Variants in DOCK3 observed in about 807,000 individuals in gnomAD.
The protein encoded by DOCK3 is dedicator of cytokinesis protein 3.
A neutral mutation model predicts 265.6 loss-of-function variants in DOCK3; 60 were observed. The ratio of observed to expected loss-of-function variants is 0.23; its 90% CI spans 0.18 to 0.28. The LOEUF (loss-of-function observed/expected upper bound fraction) is 0.28, where lower values mean the gene tolerates loss of function less well. Ranked by LOEUF, DOCK3 falls within the 10% of genes least tolerant of loss-of-function variation. DOCK3 has a pLI of 1.00. For missense variants in DOCK3, 1,981 were observed against 2,594.3 expected (o/e 0.76, Z 5.14); for synonymous variants, 881 against 938.0 (o/e 0.94, Z 1.11).
chr3:50,771,807 C>T (rs1165248477), intron 1 of DOCK3, among the ~76,000 whole-genome samples: 7 of 152,024 alleles, frequency 4.6e-5, no homozygotes, highest in East Asian at 1.9e-4. Flanking sequence ...GCTGAGATTG[C>T]GCCACTGCAC....
At chr3:51,367,637 C>T (rs980736266) in intron 49 of DOCK3, among the ~76,000 whole-genome samples, 1 of 152,138 alleles carries the variant, frequency 6.6e-6, no homozygotes. Context: ...ACCGGTTGTT[C>T]CTTTCCATGT....
intron 51 of DOCK3, among the ~76,000 whole-genome samples, chr3:51,376,649 G>A (rs908319764): frequency 6.6e-6 from 1 of 152,150 alleles, no homozygotes; most frequent in African/African-American, 2.4e-5. Context: ...TTGGAGTTTA[G>A]GGCACACTCA....
chr3:51,163,829 A>C (rs181281406), intron 12 of DOCK3, among the ~76,000 whole-genome samples: 26 of 152,310 alleles, frequency 1.7e-4, no homozygotes, highest in African/African-American at 5.5e-4. Flanking sequence ...TATGTATTAC[A>C]AATTATGTAC....
At chr3:51,307,282 A>G (rs905445687) in intron 27 of DOCK3, among the ~76,000 whole-genome samples, 9 of 152,012 alleles carry the variant, frequency 5.9e-5, no homozygotes, top group Non-Finnish European at 8.8e-5. Flanking sequence ...CATGCAGCTA[A>G]TTTTTTAATT....
intron 5 of DOCK3, among the ~76,000 whole-genome samples, chr3:50,986,475 A>C (rs546730680): frequency 3.2e-4 from 48 of 152,308 alleles, no homozygotes; most frequent in South Asian, 1.2e-3. Flanking sequence ...CACATATCCC[A>C]TACTCTATTC....
In DOCK3 at chr3:50,719,924, C is replaced by G. The variant is rs975735869; in HGVS notation, c.37+44624C>G. Reference sequence around the variant, plus strand: ...TGCTAACAGCTTGAAGGAGATGCAGCCCAAGGGCGTACCGTCCACAGTGAT... The same window carrying G: ...TGCTAACAGCTTGAAGGAGATGCAGGCCAAGGGCGTACCGTCCACAGTGAT... On this transcript the variant is annotated intron_variant, in intron 1 of 52. Coordinates refer to ENST00000266037, the MANE Select transcript of DOCK3 (RefSeq NM_004947.5). 3.9e-5 allele frequency: 22 copies of G among 562,436 alleles called. No homozygotes were observed. The East Asian group carries it at 7.6e-4, about 20-fold the overall frequency. The allele number at this position is 562,436 out of a possible 1,614,324, so 34.8% of individuals were successfully genotyped here. A position where few individuals can be genotyped will look rare whatever the true frequency, so the allele number is the denominator to read the frequency against.
At chr3:50,785,013 TG>T (rs936260029) in intron 2 of DOCK3, among the ~76,000 whole-genome samples, 12 of 152,178 alleles carry the variant, frequency 7.9e-5, no homozygotes, top group Admixed American at 4.6e-4. Context: ...AAAAATTAGC[TG>T]GGGGTGGTGG....
chr3:50,969,182 A>G (rs1414182988), intron 5 of DOCK3, among the ~76,000 whole-genome samples: 1 of 152,172 alleles, frequency 6.6e-6, no homozygotes, highest in Non-Finnish European at 1.5e-5. Context: ...TATATTTAGG[A>G]TTGTTATAAC....
chr3:50,834,767 A>G (rs776980079), intron 2 of DOCK3, among the ~76,000 whole-genome samples: 2 of 152,220 alleles, frequency 1.3e-5, no homozygotes, highest in Non-Finnish European at 2.9e-5. Context: ...GGCAAAAACT[A>G]AGAGGGAAGA....
At chr3:51,125,049 G>A (rs2084207836) in intron 9 of DOCK3, among the ~76,000 whole-genome samples, 1 of 151,358 alleles carries the variant, frequency 6.6e-6, no homozygotes, top group Admixed American at 6.6e-5. Context: ...TGAAGCAGAA[G>A]AATCGCTTGA....
intron 3 of DOCK3, among the ~76,000 whole-genome samples, chr3:50,879,786 A>G (rs549203832): frequency 3.4e-4 from 52 of 152,368 alleles, no homozygotes; most frequent in Middle Eastern, 3.4e-3. Context: ...TGGACCTAAT[A>G]GACATCTAGA....
At chr3:50,901,939 A>C (rs939658472) in intron 4 of DOCK3, among the ~76,000 whole-genome samples, 5 of 152,114 alleles carry the variant, frequency 3.3e-5, no homozygotes, top group Non-Finnish European at 7.4e-5. Flanking sequence ...ATAAAGAAAG[A>C]AAGCAGCTAT....
intron 12 of DOCK3, among the ~76,000 whole-genome samples, chr3:51,203,635 G>A (rs989535767): frequency 1.3e-5 from 2 of 152,114 alleles, no homozygotes; most frequent in Non-Finnish European, 2.9e-5. Flanking sequence ...AGCTACCAAT[G>A]ACTTTCTTCA....
chr3:51,198,959 G>A (rs2088506820), intron 12 of DOCK3, among the ~76,000 whole-genome samples: 2 of 152,114 alleles, frequency 1.3e-5, no homozygotes, highest in Non-Finnish European at 2.9e-5. Flanking sequence ...AAACCAGGGA[G>A]GTGGAGGTTG....
At chr3:50,795,682 G>A (rs1029880734) in intron 2 of DOCK3, among the ~76,000 whole-genome samples, 4 of 152,076 alleles carry the variant, frequency 2.6e-5, no homozygotes, top group Admixed American at 6.5e-5. Context: ...TGGAGATTTT[G>A]TTCCTTTTCA....
At chr3:51,163,951 T>G (rs1004307674) in intron 12 of DOCK3, among the ~76,000 whole-genome samples, 1 of 152,176 alleles carries the variant, frequency 6.6e-6, no homozygotes, top group African/African-American at 2.4e-5. Context: ...GGTCTTTGTC[T>G]TCACTTAAGC....
At chr3:51,266,184 C>A (rs1010508203) in intron 23 of DOCK3, among the ~76,000 whole-genome samples, 18 of 152,156 alleles carry the variant, frequency 1.2e-4, no homozygotes, top group African/African-American at 4.1e-4. Context: ...AGAGAGGACA[C>A]AGACAAATGG....
At chr3:50,698,727 A>G (rs1454075540) in intron 1 of DOCK3, among the ~76,000 whole-genome samples, 1 of 151,356 alleles carries the variant, frequency 6.6e-6, no homozygotes, top group East Asian at 1.9e-4. Flanking sequence ...AAGAAGTGGC[A>G]TCTCATTGTG....
At chr3:50,916,171 T>C (rs1184612372) in intron 4 of DOCK3, among the ~76,000 whole-genome samples, 1 of 151,964 alleles carries the variant, frequency 6.6e-6, no homozygotes, top group East Asian at 1.9e-4. Context: ...CTCAGCTGGG[T>C]TTAAGTTCCT....
Sources: gnomAD v4.1 joint callset for allele counts (sites outside exome capture counted in the v4.1 genomes callset) on GRCh38, gnomAD v4.1.1 for gene constraint, MANE v1.5 for transcripts, NCBI Gene and HGNC (gene_info 2026-07-23, HGNC 2026-07-21) for gene names.